MBNL1: variants seen among roughly 807,000 people sequenced by gnomAD.
MBNL1 encodes muscleblind-like protein 1.
Under a neutral mutation model 42.2 loss-of-function variants are expected in MBNL1, and 8 were observed. That is an observed-to-expected ratio of 0.19 (90% CI 0.11 to 0.34). MBNL1 has a LOEUF of 0.34. MBNL1 is among the 10% of genes least tolerant of loss of function. The probability of loss-of-function intolerance (pLI) is 1.00; values close to 1 mark genes in which losing one functional copy is unlikely to be tolerated. For synonymous variants in MBNL1, 169 were observed against 173.9 expected, an observed-to-expected ratio of 0.97 and a Z score of 0.22; for missense variants, 309 against 495.3, an observed-to-expected ratio of 0.62 and a Z score of 3.57.
chr3:152,309,306 C>A lies in MBNL1; in HGVS notation c.174+8939C>A, dbSNP rs201646105. 9.2e-5 allele frequency among the ~76,000 whole-genome samples: 14 copies of A among 152,232 alleles called. No homozygotes were observed. The East Asian group carries it at 2.5e-3, about 27-fold the overall frequency. On this transcript the variant is annotated intron_variant, in intron 2 of 9. Transcript: ENST00000324210. The stretch of plus-strand genomic sequence containing the variant: ...CAGTTGGTAACGACCTGTATTTTAA[C>A]CCTAGATCACAATTTTAGGCCCAGC...
chr3:152,373,280 G>C (rs1486855582), intron 2 of MBNL1, among the ~76,000 whole-genome samples: 1 of 144,424 alleles, frequency 6.9e-6, no homozygotes, highest in Non-Finnish European at 1.5e-5. Context: ...CCTGGCTTCA[G>C]TTCCCTTTCC....
chr3:152,419,785 G>C (rs1235493300), intron 3 of MBNL1, among the ~76,000 whole-genome samples: 1 of 152,092 alleles, frequency 6.6e-6, no homozygotes, highest in Non-Finnish European at 1.5e-5. Context: ...CCTGGAAAGA[G>C]GGCTGAAGCC....
chr3:152,407,340 C>G (rs1389476088), intron 2 of MBNL1, among the ~76,000 whole-genome samples: 1 of 145,856 alleles, frequency 6.9e-6, no homozygotes, highest in Non-Finnish European at 1.5e-5. Context: ...CAATTTACAT[C>G]TAGAAAGTTA....
At chr3:152,248,545 A>C (rs2033706960) in intron 2 of MBNL1, among the ~76,000 whole-genome samples, 1 of 151,924 alleles carries the variant, frequency 6.6e-6, no homozygotes, top group African/African-American at 2.4e-5. Context: ...TAAGTCACAC[A>C]TAACAAGGGC....
At chr3:152,293,997 G>T (rs1206167895) in intron 1 of MBNL1, among the ~76,000 whole-genome samples, 2 of 148,372 alleles carry the variant, frequency 1.3e-5, no homozygotes, top group South Asian at 2.1e-4. Flanking sequence ...ATTGTTGAAA[G>T]AATAAGAATA....
At chr3:152,362,336 A>G (rs2096031170) in intron 2 of MBNL1, among the ~76,000 whole-genome samples, 1 of 152,178 alleles carries the variant, frequency 6.6e-6, no homozygotes, top group Non-Finnish European at 1.5e-5. Flanking sequence ...AGACAGCACT[A>G]GTAGGGGTGG....
At chr3:152,312,108 C>T (rs893334172) in intron 2 of MBNL1, among the ~76,000 whole-genome samples, 14 of 145,810 alleles carry the variant, frequency 9.6e-5, no homozygotes, top group South Asian at 2.2e-4. Context: ...GGGAGAATGG[C>T]GTGAACCCGG....
At chr3:152,437,526 T>A (rs930978967) in intron 4 of MBNL1, among the ~76,000 whole-genome samples, 2 of 152,210 alleles carry the variant, frequency 1.3e-5, no homozygotes, top group Non-Finnish European at 2.9e-5. Flanking sequence ...TTGCACCAGA[T>A]AATCTCTAAG....
intron 2 of MBNL1, among the ~76,000 whole-genome samples, chr3:152,312,099 G>C (rs1053595924): frequency 1.3e-5 from 2 of 151,108 alleles, no homozygotes; most frequent in Admixed American, 1.3e-4. Context: ...GGCTGAGGCG[G>C]GAGAATGGCG....
intron 2 of MBNL1, among the ~76,000 whole-genome samples, chr3:152,373,365 A>G (rs1002131829): frequency 7.6e-6 from 1 of 132,234 alleles, no homozygotes; most frequent in Non-Finnish European, 1.6e-5. Context: ...AAAAAAAAAA[A>G]CCTTCTGCAG....
chr3:152,292,110 CTT>C (rs112110530), intron 1 of MBNL1, among the ~76,000 whole-genome samples: 154 of 152,258 alleles, frequency 1.0e-3, no homozygotes, highest in African/African-American at 3.6e-3. Context: ...AAGAAGATAA[CTT>C]TGCAGTAGGG....
intron 4 of MBNL1, among the ~76,000 whole-genome samples, chr3:152,437,662 A>G (rs916535028): frequency 3.3e-5 from 5 of 152,156 alleles, no homozygotes; most frequent in African/African-American, 1.2e-4. Context: ...TATATTACAT[A>G]TATCACATAT....
intron 8 of MBNL1, chr3:152,457,896 C>T (rs1736967888): frequency 2.1e-6 from 1 of 469,036 alleles, no homozygotes. Context: ...CCATTTCATG[C>T]ATAATCTTGG....
chr3:152,253,393 G>A lies in MBNL1; in HGVS notation n.333+8953G>A, dbSNP rs2034963440. On this transcript the variant is annotated intron_variant and non_coding_transcript_variant, in intron 2 of 2. Coordinates refer to the MBNL1 transcript ENST00000477171. ...ACCAGAATCACCTGTTTCACATCTT[G>A]AGCAAAGTGTAAGACACTGTCATCT... 2.0e-5 allele frequency among the ~76,000 whole-genome samples: 3 copies of A among 152,008 alleles called. No individual in the cohort carries two copies. The South Asian group carries it at 6.2e-4, about 31-fold the overall frequency.
chr3:152,410,868 T>C (rs1325222351), intron 2 of MBNL1, among the ~76,000 whole-genome samples: 1 of 152,256 alleles, frequency 6.6e-6, no homozygotes, highest in Non-Finnish European at 1.5e-5. Flanking sequence ...CTGATATGCA[T>C]TGTCACTGGG....
At chr3:152,275,713 A>C (rs1254094341) in intron 1 of MBNL1, among the ~76,000 whole-genome samples, 1 of 150,104 alleles carries the variant, frequency 6.7e-6, no homozygotes, top group African/African-American at 2.4e-5. Context: ...GTCTCAAAAA[A>C]AAAAAAAAAA....
chr3:152,414,847 A>G (rs750632308), intron 2 of MBNL1, 94 bp from the exon 3 acceptor site: 4 of 1,228,036 alleles, frequency 3.3e-6, no homozygotes, highest in African/African-American at 1.5e-5. Flanking sequence ...AAAACCAATG[A>G]TACATTCAAG....
intron 4 of MBNL1, among the ~76,000 whole-genome samples, chr3:152,442,693 A>C (rs1051170236): frequency 6.6e-6 from 1 of 152,230 alleles, no homozygotes; most frequent in African/African-American, 2.4e-5. Flanking sequence ...CATATTGAGC[A>C]ACCAAGGGAT....
intron 2 of MBNL1, among the ~76,000 whole-genome samples, chr3:152,321,217 G>A (rs1241735473): frequency 6.6e-6 from 1 of 152,064 alleles, no homozygotes; most frequent in Non-Finnish European, 1.5e-5. Context: ...CTTTGAAGAG[G>A]ATCATCAGGG....
Sources: allele counts gnomAD v4.1 joint callset (sites outside exome capture counted in the v4.1 genomes callset), GRCh38; gene constraint gnomAD v4.1.1; transcripts MANE v1.5; gene names NCBI Gene and HGNC (gene_info 2026-07-23, HGNC 2026-07-21).